Variants in IL1RAPL1 observed in about 807,000 individuals in gnomAD.
IL1RAPL1 encodes the protein interleukin-1 receptor accessory protein-like 1.
In IL1RAPL1, 3 loss-of-function variants were observed where a neutral mutation model predicts 48.4. That is an observed-to-expected ratio of 0.06 (90% confidence interval 0.03 to 0.16). The LOEUF is 0.16. Ranked by LOEUF, IL1RAPL1 falls within the 10% of genes least tolerant of loss-of-function variation. The probability of loss-of-function intolerance (pLI) is 1.00; values close to 1 mark genes in which losing one functional copy is unlikely to be tolerated. For missense variants in IL1RAPL1, 349 were observed against 530.6 expected (o/e 0.66, Z 3.36); for synonymous variants, 185 against 187.7 (o/e 0.99, Z 0.12).
At chrX:28,905,784 A>G (rs2521806) in intron 2 of IL1RAPL1, among the ~76,000 whole-genome samples, 37,022 of 110,184 alleles carry the variant, frequency 0.34, 4,703 homozygotes, top group Admixed American at 0.42. Flanking sequence ...AGAAAGTAAA[A>G]GATGGTATGT....
intron 7 of IL1RAPL1, among the ~76,000 whole-genome samples, chrX:29,918,147 ATATAT>A: frequency 4.5e-5 from 2 of 44,220 alleles, no homozygotes; most frequent in African/African-American, 9.5e-5. Flanking sequence ...AAAAAAAAAT[ATATAT>A]ATATATATAT....
chrX:29,760,990 T>C (rs5972872), intron 6 of IL1RAPL1, among the ~76,000 whole-genome samples: 18,296 of 111,016 alleles, frequency 0.16, 1,677 homozygotes, highest in African/African-American at 0.35. Context: ...TGATAGTACG[T>C]GGATTTCTTA....
chrX:29,637,488 G>T (rs1925009399), intron 5 of IL1RAPL1, among the ~76,000 whole-genome samples: 1 of 110,920 alleles, frequency 9.0e-6, no homozygotes, highest in Non-Finnish European at 1.9e-5. Context: ...AAGCAAATAT[G>T]ACAGATTTTA....
chrX:29,761,401 G>A (rs1928749114), intron 6 of IL1RAPL1, among the ~76,000 whole-genome samples: 1 of 111,495 alleles, frequency 9.0e-6, no homozygotes, highest in South Asian at 3.7e-4. Flanking sequence ...AAAACAATTT[G>A]GGAGAAAAGC....
At chrX:29,275,023 G>C (rs1173130603) in intron 2 of IL1RAPL1, among the ~76,000 whole-genome samples, 4 of 109,146 alleles carry the variant, frequency 3.7e-5, no homozygotes, top group Non-Finnish European at 7.6e-5. Flanking sequence ...CTTACTCCTA[G>C]CTATCCCCTT....
At chrX:29,580,598 G>T (rs1922930790) in intron 5 of IL1RAPL1, among the ~76,000 whole-genome samples, 1 of 111,514 alleles carries the variant, frequency 9.0e-6, no homozygotes, top group South Asian at 3.8e-4. Context: ...GATCTTCTGG[G>T]GGTTGGCTAT....
At chrX:29,557,133 G>A (rs951417257) in intron 5 of IL1RAPL1, among the ~76,000 whole-genome samples, 11 of 111,687 alleles carry the variant, frequency 9.8e-5, no homozygotes, top group African/African-American at 3.3e-4. Context: ...GGGCCATCTC[G>A]ATACAGCTGA....
intron 5 of IL1RAPL1, among the ~76,000 whole-genome samples, chrX:29,558,337 T>C (rs1191267424): frequency 2.7e-5 from 3 of 112,213 alleles, no homozygotes; most frequent in African/African-American, 9.7e-5. Context: ...TGTCTTCTTT[T>C]GAGAAACATA....
chrX:29,156,228 C>T (rs1283847524), intron 2 of IL1RAPL1, among the ~76,000 whole-genome samples: 3 of 111,376 alleles, frequency 2.7e-5, no homozygotes, highest in Non-Finnish European at 5.6e-5. Context: ...TGCTACATTG[C>T]TTGCAATTTT....
intron 8 of IL1RAPL1, among the ~76,000 whole-genome samples, chrX:29,933,671 AAAG>A (rs1327678684): frequency 9.1e-6 from 1 of 110,197 alleles, no homozygotes; most frequent in Non-Finnish European, 1.9e-5. Context: ...AAAAAAAAAA[AAAG>A]AGAGAGAAGA....
Position 29,309,133 on chromosome X carries a change from C to G in IL1RAPL1, c.362+25916C>G, listed in dbSNP as rs745322569. 1.5e-4 allele frequency among the ~76,000 whole-genome samples: 17 copies of G among 112,205 alleles called. No homozygotes were observed. The South Asian group carries it at 6.0e-3, about 39-fold the overall frequency. On this transcript the variant is annotated intron_variant, in intron 3 of 10. Coordinates refer to ENST00000378993, the MANE Select transcript of IL1RAPL1 (RefSeq NM_014271.4). Reference sequence around the variant, plus strand: ...TCTTTTAGTCAAAGCGATACTGCACCAGGCATTTGTTAAAAAAATGGCAAG... The same window carrying G: ...TCTTTTAGTCAAAGCGATACTGCACGAGGCATTTGTTAAAAAAATGGCAAG...
At chrX:29,274,912 T>C (rs1301003805) in intron 2 of IL1RAPL1, among the ~76,000 whole-genome samples, 1 of 111,221 alleles carries the variant, frequency 9.0e-6, no homozygotes, top group Non-Finnish European at 1.9e-5. Context: ...CAGCATCCTG[T>C]TGATTCTGAC....
chrX:29,392,797 C>T (rs1259294972), intron 3 of IL1RAPL1, among the ~76,000 whole-genome samples: 1 of 112,187 alleles, frequency 8.9e-6, no homozygotes. Context: ...TTATTCAACC[C>T]ACTCATATAT....
chrX:29,219,519 G>T (rs1053009658), intron 2 of IL1RAPL1, among the ~76,000 whole-genome samples: 2 of 111,410 alleles, frequency 1.8e-5, no homozygotes. Flanking sequence ...TTCTAGGATT[G>T]TGCCCAGTAC....
Position 29,635,521 on chromosome X carries a change from A to G in IL1RAPL1, c.704-32909A>G, listed in dbSNP as rs151254599. Reference sequence around the variant, plus strand: ...AATTTTCAGGCCAACAAGTTCTCAAAAAACATAACTACAATGTATCATTTC... The same window carrying G: ...AATTTTCAGGCCAACAAGTTCTCAAGAAACATAACTACAATGTATCATTTC... On this transcript the variant is annotated intron_variant, in intron 5 of 10. Coordinates refer to ENST00000378993, the MANE Select transcript of IL1RAPL1 (RefSeq NM_014271.4). 4.9e-3 allele frequency among the ~76,000 whole-genome samples: 550 copies of G among 112,078 alleles called. 2 individuals carry two copies. Among genetic ancestry groups the G allele is most frequent in the Middle Eastern group, 0.032 (7 of 218 alleles).
chrX:29,419,126 G>A (rs983764840), intron 5 of IL1RAPL1, among the ~76,000 whole-genome samples: 2 of 111,907 alleles, frequency 1.8e-5, no homozygotes, highest in Non-Finnish European at 3.8e-5. Context: ...CAGTGAAGTA[G>A]ATCTTTAACC....
intron 5 of IL1RAPL1, among the ~76,000 whole-genome samples, chrX:29,665,324 T>G (rs1345666503): frequency 8.9e-6 from 1 of 112,548 alleles, no homozygotes; most frequent in Non-Finnish European, 1.9e-5. Flanking sequence ...TTAGTCATGG[T>G]CTAATGCTAA....
chrX:29,231,159 T>C (rs1264259139), intron 2 of IL1RAPL1, among the ~76,000 whole-genome samples: 7 of 111,784 alleles, frequency 6.3e-5, no homozygotes, highest in South Asian at 3.8e-4. Context: ...GTGGCTGCTC[T>C]GTGCAGTTGC....
At chrX:29,121,363 T>TA (rs1466899114) in intron 2 of IL1RAPL1, among the ~76,000 whole-genome samples, 1 of 112,417 alleles carries the variant, frequency 8.9e-6, no homozygotes, top group Non-Finnish European at 1.9e-5. Flanking sequence ...TTTTTCAACT[T>TA]ACCATATTTT....
Sources: gnomAD v4.1 joint callset for allele counts (sites outside exome capture counted in the v4.1 genomes callset) on GRCh38, gnomAD v4.1.1 for gene constraint, MANE v1.5 for transcripts, NCBI Gene and HGNC (gene_info 2026-07-23, HGNC 2026-07-21) for gene names.